The following CHST15 variants were observed in gnomAD, a reference collection of about 807,000 sequenced individuals.
The protein encoded by CHST15 is carbohydrate sulfotransferase 15, also known as B cell RAG associated protein (GALNAC4S-6ST).
In CHST15, 30 loss-of-function variants were observed where a neutral mutation model predicts 53.6. The ratio of observed to expected loss-of-function variants is 0.56; its 90% CI spans 0.42 to 0.76. The LOEUF (loss-of-function observed/expected upper bound fraction) is 0.76. Ranked by LOEUF, CHST15 falls within the 30% of genes least tolerant of loss-of-function variation. The pLI is 0.00. For missense variants in CHST15, 627 were observed against 740.5 expected (o/e 0.85, Z 1.78); for synonymous variants, 296 against 289.8 (o/e 1.02, Z -0.22).
intron 1 of CHST15, among the ~76,000 whole-genome samples, chr10:124,060,803 T>C (rs1290583465): frequency 6.6e-6 from 1 of 152,222 alleles, no homozygotes; most frequent in Non-Finnish European, 1.5e-5. Flanking sequence ...GAGATCCAGC[T>C]TGCCTTGCTG....
chr10:124,022,848 A>C (rs1294226901), intron 5 of CHST15, among the ~76,000 whole-genome samples: 5 of 107,808 alleles, frequency 4.6e-5, no homozygotes, highest in Admixed American at 1.3e-4. Flanking sequence ...ACAGAGTTTC[A>C]CTCTGTCCCC....
intron 1 of CHST15, among the ~76,000 whole-genome samples, chr10:124,087,323 C>T (rs896793134): frequency 6.6e-6 from 1 of 152,156 alleles, no homozygotes; most frequent in Non-Finnish European, 1.5e-5. Flanking sequence ...TCCTTGTATG[C>T]CCTCCCCCTT....
In CHST15 at chr10:124,044,563, T is replaced by C; in HGVS notation, c.886+17A>G. The C allele has an allele frequency of 2.0e-6, 3 of 1,481,246 alleles. No homozygotes were observed. Among genetic ancestry groups the C allele is most frequent in the Admixed American group, 2.5e-5 (1 of 40,366 alleles). 91.8% of individuals were successfully genotyped at this position (1,481,246 alleles called of 1,614,324 possible). A position where few individuals can be genotyped will look rare whatever the true frequency, so the allele number is the denominator to read the frequency against. On this transcript the variant is annotated intron_variant, in intron 3 of 7. Transcript: ENST00000435907. ...AAGGAACGAGACCAGACAGGAGCCC[T>C]GGGACCCAGCACTCACCAAAGCGCT...
intron 1 of CHST15, among the ~76,000 whole-genome samples, chr10:124,066,945 T>C (rs1948767458): frequency 6.6e-6 from 1 of 152,206 alleles, no homozygotes; most frequent in South Asian, 2.1e-4. Flanking sequence ...ATTCTTCCTA[T>C]CCCCACTAGG....
intron 7 of CHST15, chr10:124,010,824 G>A (rs920309159): frequency 7.1e-6 from 7 of 985,426 alleles, no homozygotes; most frequent in South Asian, 4.7e-5. Context: ...CACCCTGTGC[G>A]TCTTGCTGTG....
rs1272920258 is a variant in CHST15, at chr10:124,010,888, A to T, written c.1496-549T>A. The T allele has an allele frequency of 4.1e-6, 4 of 985,292 alleles. No individual in the cohort carries two copies. In the South Asian group the frequency reaches 1.9e-4, roughly 46 times the overall value. The allele number at this position is 985,292 out of a possible 1,614,324, so 61.0% of individuals were successfully genotyped here. ...GAGGCCACTTGTGCCCAGAGCCCCC[A>T]CTGGCTGAACCTCCATCTGCAGCAA... On this transcript the variant is annotated intron_variant, in intron 7 of 7. Coordinates refer to ENST00000435907, the MANE Select transcript of CHST15 (RefSeq NM_001270764.2).
At position 124,044,656 on chromosome 10, in the gene CHST15, A is replaced by C; in HGVS notation, c.810T>G (p.Tyr270Ter). 1 of 1,611,654 alleles carries C rather than the reference A, an allele frequency of 6.2e-7. No individual in the cohort carries two copies. The highest frequency in any genetic ancestry group is 8.5e-7 in the Non-Finnish European group (1 of 1,178,744). Residue 270 changes from tyrosine to a stop codon, truncating the protein, a stop_gained, in exon 3 of 8, where the codon TAT becomes TAG. Coordinates refer to ENST00000435907, the MANE Select transcript of CHST15 (RefSeq NM_001270764.2). LOFTEE classifies it high-confidence loss of function. Reference sequence around the variant, plus strand: ...CCTCAGGGTGCAGCCGCAGGCGGTCATAGAGGTCTGTGGTCCCGCACTTGG... The same window carrying C: ...CCTCAGGGTGCAGCCGCAGGCGGTCCTAGAGGTCTGTGGTCCCGCACTTGG... Reference protein sequence around the residue: ...GQPKCGTTDLYDRLRLHPEVK... With the variant: ...GQPKCGTTDL
At chr10:124,071,893 A>G (rs1948927336) in intron 1 of CHST15, among the ~76,000 whole-genome samples, 1 of 152,236 alleles carries the variant, frequency 6.6e-6, no homozygotes, top group Admixed American at 6.5e-5. Context: ...CATTTCAAGC[A>G]TGACCCTGTG....
chr10:124,008,608 C>T lies in CHST15; in HGVS notation c.*1541G>A. ...GGGCTGTGTGTCCCTTCTCTGATGG[C>T]AGAAAGACAACACCAGCAGAAAGAC... On this transcript the variant is annotated 3_prime_UTR_variant, in exon 8 of 8. Transcript: ENST00000435907. The T allele has an allele frequency of 3.9e-6, 4 of 1,031,866 alleles. No individual in the cohort carries two copies. Among genetic ancestry groups the T allele is most frequent in the Non-Finnish European group, 4.7e-6 (4 of 855,436 alleles). 63.9% of individuals were successfully genotyped at this position (1,031,866 alleles called of 1,614,324 possible).
At chr10:124,025,201 T>C (rs944838173) in intron 5 of CHST15, among the ~76,000 whole-genome samples, 1 of 152,234 alleles carries the variant, frequency 6.6e-6, no homozygotes, top group Non-Finnish European at 1.5e-5. Context: ...TCCATACAAT[T>C]CTTCAGAGAT....
intron 5 of CHST15, among the ~76,000 whole-genome samples, chr10:124,022,245 C>T (rs934114150): frequency 6.6e-6 from 1 of 152,202 alleles, no homozygotes; most frequent in Admixed American, 6.5e-5. Flanking sequence ...CTGCAATAGG[C>T]CCCCACAGGC....
At chr10:124,032,327 G>A (rs1288206997) in intron 5 of CHST15, among the ~76,000 whole-genome samples, 1 of 152,098 alleles carries the variant, frequency 6.6e-6, no homozygotes. Flanking sequence ...GTTGTTTCTG[G>A]GCATTGCATT....
At chr10:124,043,703 C>A (rs923289635) in intron 3 of CHST15, among the ~76,000 whole-genome samples, 4 of 152,352 alleles carry the variant, frequency 2.6e-5, no homozygotes, top group Non-Finnish European at 5.9e-5. Flanking sequence ...GGGCAGTGGT[C>A]ATGGTAAGCC....
intron 4 of CHST15, among the ~76,000 whole-genome samples, chr10:124,039,775 G>A (rs1041575319): frequency 6.6e-6 from 1 of 152,230 alleles, no homozygotes; most frequent in Non-Finnish European, 1.5e-5. Context: ...GCGTGTATGT[G>A]TGTGTGTATA....
rs1239201542 is a variant in CHST15, at chr10:124,008,974, T to C, written c.*1175A>G. On this transcript the variant is annotated 3_prime_UTR_variant, in exon 8 of 8. Coordinates refer to ENST00000435907, the MANE Select transcript of CHST15 (RefSeq NM_001270764.2). ...CGGCTCTTAGAAACCTCATTCCAAA[T>C]CTCAACACGCCACGTTCAGCCCAAG... The C allele has an allele frequency of 1.8e-5, 23 of 1,289,138 alleles. No homozygotes were observed. Among genetic ancestry groups the C allele is most frequent in the Non-Finnish European group, 2.1e-5 (21 of 988,676 alleles). 79.9% of individuals were successfully genotyped at this position (1,289,138 alleles called of 1,614,324 possible). A position where few individuals can be genotyped will look rare whatever the true frequency, so the allele number is the denominator to read the frequency against.
intron 2 of CHST15, among the ~76,000 whole-genome samples, 198 bp from the exon 3 acceptor site, chr10:124,045,117 A>AAAAAAAC (rs1199353224): frequency 3.4e-4 from 37 of 109,926 alleles, no homozygotes; most frequent in African/African-American, 9.7e-4. Flanking sequence ...CCCCACAAAA[A>AAAAAAAC]AAAAAAAAAA....
At chr10:124,016,370 A>T (rs1175635424) in intron 6 of CHST15, among the ~76,000 whole-genome samples, 1 of 152,088 alleles carries the variant, frequency 6.6e-6, no homozygotes, top group Non-Finnish European at 1.5e-5. Flanking sequence ...ATTCACCTCT[A>T]TAAGGAGGGT....
intron 5 of CHST15, among the ~76,000 whole-genome samples, chr10:124,037,220 A>G (rs993634079): frequency 6.6e-6 from 1 of 152,164 alleles, no homozygotes; most frequent in Non-Finnish European, 1.5e-5. Flanking sequence ...ATAAGGTCAC[A>G]GTCATACACA....
chr10:124,075,592 G>C (rs566156033), intron 1 of CHST15, among the ~76,000 whole-genome samples: 2 of 152,250 alleles, frequency 1.3e-5, no homozygotes, highest in East Asian at 3.9e-4. Flanking sequence ...GCTCTCTCCT[G>C]ATGTATGCTG....
Sources: gnomAD v4.1 joint callset for allele counts (sites outside exome capture counted in the v4.1 genomes callset) on GRCh38, gnomAD v4.1.1 for gene constraint, MANE v1.5 for transcripts, NCBI Gene and HGNC (gene_info 2026-07-23, HGNC 2026-07-21) for gene names.